CCR1: variants seen among roughly 807,000 people sequenced by gnomAD.
CCR1 encodes C-C motif chemokine receptor 1.
A neutral mutation model predicts 0.3 loss-of-function variants in CCR1; 1 was observed. The ratio of observed to expected loss-of-function variants is 3.70; its 90% CI spans 1.31 to 17.54. CCR1 has a LOEUF of 17.54. Among genes scored for constraint, CCR1 ranks in the 30% most tolerant of loss-of-function variants. The pLI is 0.11. For synonymous variants in CCR1, 207 were observed against 182.5 expected (o/e 1.13, Z -1.08); for missense variants, 349 against 435.4 (o/e 0.80, Z 1.77).
Position 46,204,205 on chromosome 3 carries a change from G to A in CCR1, c.109C>T (p.Leu37=). The A allele has an allele frequency of 1.2e-6, 2 of 1,613,794 alleles. No homozygotes were observed. The highest frequency in any genetic ancestry group is 1.1e-5 in the South Asian group (1 of 91,060). Residue 37 remains leucine (L), a synonymous_variant, in exon 2 of 2, where the codon CTG becomes TTG. Coordinates refer to ENST00000296140, the MANE Select transcript of CCR1 (RefSeq NM_001295.3). ...AATACCAAGGAGTACAGAGGGGGCA[G>A]CAGTTGGGCCCCAAAGGCCCTCTCG... is the stretch of plus-strand genomic sequence containing the variant. ...VNERAFGAQL[L]PPLYSLVFVI...
chr3:46,203,698 A>G lies in CCR1; in HGVS notation c.616T>C (p.Phe206Leu). ...ACCAACAAAGGCAATACCAGCCCAA[A>G]GAGGTTCAGTTTCAGAGCCTGAAAC... ...KLFQALKLNL[F>L]GLVLPLLVMI... is the part of the protein sequence containing the mutation. Residue 206 changes from phenylalanine (F) to leucine (L), a missense_variant, in exon 2 of 2, where the codon TTT becomes CTT. Coordinates refer to ENST00000296140, the MANE Select transcript of CCR1 (RefSeq NM_001295.3). The surrounding 1 kb of genome is among the most constrained non-coding windows in gnomAD (Gnocchi z 4.5). The G allele has an allele frequency of 6.2e-7, 1 of 1,614,224 alleles. No individual in the cohort carries two copies. The highest frequency in any genetic ancestry group is 8.5e-7 in the Non-Finnish European group (1 of 1,180,036).
At chr3:46,207,648 A>AT (rs5848784) in intron 1 of CCR1, among the ~76,000 whole-genome samples, 15,648 of 145,396 alleles carry the variant, frequency 0.11, 962 homozygotes, top group South Asian at 0.28. Flanking sequence ...TTGGCAAGCA[A>AT]TTTTTTTTTT....
Position 46,203,341 on chromosome 3 carries a change from C to T in CCR1, c.973G>A (p.Val325Ile), listed in dbSNP as rs1471038112. ...ACGGAGAGGAAGGGGAGCCATTTAA[C>T]CAGGTGCACAGCCACACGCCTGTGG... ...LFHRRVAVHLVKWLPFLSVDR... is the reference protein window; with the variant it reads ...LFHRRVAVHLIKWLPFLSVDR... The change falls in exon 2 of 2, where the codon GTT (valine) becomes ATT (isoleucine). Residue 325 changes from valine (V) to isoleucine (I), a missense_variant. By Grantham distance (29) the Val-to-Ile change is conservative. Coordinates refer to ENST00000296140, the MANE Select transcript of CCR1 (RefSeq NM_001295.3). The surrounding 1 kb of genome is among the most constrained non-coding windows in gnomAD (Gnocchi z 4.5). The T allele has an allele frequency of 1.2e-6, 2 of 1,614,160 alleles. No individual in the cohort carries two copies. The highest frequency in any genetic ancestry group is 1.7e-5 in the Admixed American group (1 of 60,018).
rs1448368086 is a variant in CCR1, at chr3:46,202,562, GCTTT to G, written c.*680_*683del. The G allele has an allele frequency of 6.6e-6, 1 of 152,068 alleles. No individual in the cohort carries two copies. Among genetic ancestry groups the G allele is most frequent in the East Asian group, 1.9e-4 (1 of 5,186 alleles). 9.4% of individuals were successfully genotyped at this position (152,068 alleles called of 1,614,324 possible). ...GTGGATATAAAAATTCTTCCTAAGG[GCTTT>G]CTTAGTTCCACTGCCAGCAGTAGTT... On this transcript the variant is annotated 3_prime_UTR_variant, in exon 2 of 2. Coordinates refer to ENST00000296140, the MANE Select transcript of CCR1 (RefSeq NM_001295.3).
chr3:46,204,258 C>A lies in CCR1; in HGVS notation c.56G>T (p.Gly19Val). 1 of 1,613,494 alleles carries A rather than the reference C, an allele frequency of 6.2e-7. No individual in the cohort carries two copies. Among genetic ancestry groups the A allele is most frequent in the Non-Finnish European group, 8.5e-7 (1 of 1,179,718 alleles). Residue 19 changes from glycine (G) to valine (V), a missense_variant, in exon 2 of 2, where the codon GGG becomes GTG. Coordinates refer to ENST00000296140, the MANE Select transcript of CCR1 (RefSeq NM_001295.3). Reference protein sequence around the residue: ...DYDTTTEFDYGDATPCQKVNE... With the variant: ...DYDTTTEFDYVDATPCQKVNE... ...CACCTTCTGGCACGGAGTTGCATCC[C>A]CATAGTCAAACTCTGTGGTCGTGTC...
chr3:46,204,850 C>T (rs1162012609), intron 1 of CCR1, among the ~76,000 whole-genome samples: 2 of 152,212 alleles, frequency 1.3e-5, no homozygotes, highest in Non-Finnish European at 2.9e-5. Context: ...CATTCTCATG[C>T]CCGGCCCTGA....
At chr3:46,206,370 CCT>C (rs1038125147) in intron 1 of CCR1, among the ~76,000 whole-genome samples, 2 of 152,158 alleles carry the variant, frequency 1.3e-5, no homozygotes, top group African/African-American at 4.8e-5. Flanking sequence ...TCCAATCAGC[CCT>C]CTTTCTGGAG....
chr3:46,205,888 CCACCAG>C (rs1319199540), intron 1 of CCR1, among the ~76,000 whole-genome samples: 1 of 152,154 alleles, frequency 6.6e-6, no homozygotes, highest in Non-Finnish European at 1.5e-5. Context: ...AGGCCTGACA[CCACCAG>C]CACATCCCAG....
In CCR1 at chr3:46,203,684, C is replaced by T. The variant is rs1699619484; in HGVS notation, c.630G>A (p.Leu210=). 1 of 1,614,186 alleles carries T rather than the reference C, an allele frequency of 6.2e-7. No individual in the cohort carries two copies. The highest frequency in any genetic ancestry group is 8.5e-7 in the Non-Finnish European group (1 of 1,180,022). Residue 210 remains leucine, a synonymous_variant, in exon 2 of 2, where the codon TTG becomes TTA. Coordinates refer to ENST00000296140, the MANE Select transcript of CCR1 (RefSeq NM_001295.3). The surrounding 1 kb of genome is among the most constrained non-coding windows in gnomAD (Gnocchi z 4.5). Reference sequence around the variant, plus strand: ...AGCAGATGATCATGACCAACAAAGGCAATACCAGCCCAAAGAGGTTCAGTT... The same window carrying T: ...AGCAGATGATCATGACCAACAAAGGTAATACCAGCCCAAAGAGGTTCAGTT... ...ALKLNLFGLV[L]PLLVMIICYT...
intron 1 of CCR1, among the ~76,000 whole-genome samples, chr3:46,205,937 G>T (rs2125920919): frequency 6.6e-6 from 1 of 152,198 alleles, no homozygotes; most frequent in South Asian, 2.1e-4. Context: ...TGGCTGGCTG[G>T]TATACCCTGT....
chr3:46,203,305 C>T lies in CCR1; in HGVS notation c.1009G>A (p.Glu337Lys). The T allele has an allele frequency of 6.2e-7, 1 of 1,614,186 alleles. No individual in the cohort carries two copies. Among genetic ancestry groups the T allele is most frequent in the Non-Finnish European group, 8.5e-7 (1 of 1,180,032 alleles). ...GAGGGAGATGTGGAGCTGACCCTCT[C>T]CAGCCTGTCCACGGAGAGGAAGGGG... ...WLPFLSVDRL[E>K]RVSSTSPSTG... The change falls in exon 2 of 2, where the codon GAG (glutamate) becomes AAG (lysine). Residue 337 changes from glutamate to lysine, a missense_variant. By Grantham distance (56) the Glu-to-Lys change is moderately conservative. Transcript: ENST00000296140. This position sits in a 1 kb window ranked among gnomAD's most constrained non-coding sequence, Gnocchi z 4.5.
At position 46,204,332 on chromosome 3, in the gene CCR1, T is replaced by TA; in HGVS notation, c.-11-9_-11-8insT. 2 of 1,464,260 alleles carry TA rather than the reference T, an allele frequency of 1.4e-6. No homozygotes were observed. The highest frequency in any genetic ancestry group is 1.4e-5 in the South Asian group (1 of 71,460). The allele number at this position is 1,464,260 out of a possible 1,614,324, so 90.7% of individuals were successfully genotyped here. A position where few individuals can be genotyped will look rare whatever the true frequency, so the allele number is the denominator to read the frequency against. On this transcript the variant is annotated splice_polypyrimidine_tract_variant and intron_variant, in intron 1 of 1. Coordinates refer to ENST00000296140, the MANE Select transcript of CCR1 (RefSeq NM_001295.3). The stretch of plus-strand genomic sequence containing the variant: ...TTTCCATCCCGGCTTCTCCTACAGG[T>TA]TAAAAAAAAAAAAAAGATTTGTCTT...
intron 1 of CCR1, among the ~76,000 whole-genome samples, chr3:46,207,219 G>A (rs559687710): frequency 6.6e-6 from 1 of 152,228 alleles, no homozygotes. Flanking sequence ...TGCTCGGTGC[G>A]GGAACTAAAG....
chr3:46,204,677 C>A (rs560743126), intron 1 of CCR1, among the ~76,000 whole-genome samples: 1 of 152,298 alleles, frequency 6.6e-6, no homozygotes, highest in Non-Finnish European at 1.5e-5. Flanking sequence ...CCTAAGCACC[C>A]CCATGGCCTA....
chr3:46,205,726 A>G (rs1487937361), intron 1 of CCR1, among the ~76,000 whole-genome samples: 1 of 152,160 alleles, frequency 6.6e-6, no homozygotes, highest in South Asian at 2.1e-4. Flanking sequence ...ACTGTGAGGT[A>G]ATGTATGAGA....
Position 46,203,966 on chromosome 3 carries a change from G to A in CCR1, c.348C>T (p.Gly116=), listed in dbSNP as rs755697232. The change falls in exon 2 of 2, where the codon GGC becomes GGT. Residue 116 remains glycine (G), a synonymous_variant. Transcript: ENST00000296140. The surrounding 1 kb of genome is among the most constrained non-coding windows in gnomAD (Gnocchi z 4.5). ...CKILSGFYYT[G]LYSEIFFIIL... ...TGATGAAAAAGATCTCGCTGTACAA[G>A]CCTGTGTAATAAAACCCAGAGAGGA... The A allele has an allele frequency of 1.2e-6, 2 of 1,614,180 alleles. No individual in the cohort carries two copies. The highest frequency in any genetic ancestry group is 1.1e-5 in the South Asian group (1 of 91,088).
At chr3:46,207,863 A>G (rs1699660839) in intron 1 of CCR1, among the ~76,000 whole-genome samples, 2 of 152,022 alleles carry the variant, frequency 1.3e-5, no homozygotes, top group Non-Finnish European at 1.5e-5. Context: ...GATTGTCTCC[A>G]TCTCTTGACC....
intron 1 of CCR1, among the ~76,000 whole-genome samples, chr3:46,206,370 C>T (rs1482744060): frequency 6.6e-6 from 1 of 152,158 alleles, no homozygotes; most frequent in Non-Finnish European, 1.5e-5. Flanking sequence ...TCCAATCAGC[C>T]CTCTTTCTGG....
rs1699626853 is a variant in CCR1 at position 46,204,239 on chromosome 3, C to T, written c.75G>A (p.Gln25=). The T allele has an allele frequency of 5.6e-6, 9 of 1,613,828 alleles. No homozygotes were observed. Among genetic ancestry groups the T allele is most frequent in the Non-Finnish European group, 7.6e-6 (9 of 1,179,936 alleles). The change falls in exon 2 of 2, where the codon CAG becomes CAA. Residue 25 remains glutamine (Q), a synonymous_variant. Transcript: ENST00000296140. The part of the protein sequence containing the change: ...EFDYGDATPC[Q]KVNERAFGAQ... Reference sequence around the variant, plus strand: ...CCCCAAAGGCCCTCTCGTTCACCTTCTGGCACGGAGTTGCATCCCCATAGT... The same window carrying T: ...CCCCAAAGGCCCTCTCGTTCACCTTTTGGCACGGAGTTGCATCCCCATAGT...
Sources: allele counts gnomAD v4.1 joint callset (sites outside exome capture counted in the v4.1 genomes callset), GRCh38; gene constraint gnomAD v4.1.1; non-coding constraint Gnocchi (gnomAD v3.1); transcripts MANE v1.5; gene names NCBI Gene and HGNC (gene_info 2026-07-23, HGNC 2026-07-21).